GSTK1: variants seen among roughly 807,000 people sequenced by gnomAD.
The protein encoded by GSTK1 is glutathione S-transferase kappa 1.
Under a neutral mutation model 30.9 loss-of-function variants are expected in GSTK1, and 25 were observed. That is an observed-to-expected ratio of 0.81 (90% CI 0.59 to 1.13). The LOEUF is 1.13. GSTK1 is among the 50% of genes most tolerant of loss of function. The pLI is 0.00. For synonymous variants in GSTK1, 108 were observed against 112.5 expected (o/e 0.96, Z 0.25); for missense variants, 292 against 292.4 (o/e 1.00, Z 0.01).
At chr7:143,266,038 T>C (rs1800868669) in intron 5 of GSTK1, among the ~76,000 whole-genome samples, 1 of 140,772 alleles carries the variant, frequency 7.1e-6, no homozygotes, top group Non-Finnish European at 1.5e-5. Flanking sequence ...TTTTTTTTTT[T>C]TTTTTTTTTT....
chr7:143,263,710 A>T (rs570065736), intron 1 of GSTK1, 125 bp downstream of exon 1: 2 of 837,844 alleles, frequency 2.4e-6, no homozygotes, highest in East Asian at 2.5e-5. Flanking sequence ...TAAGGCAAGC[A>T]GGGAGAGCTC....
At chr7:143,265,138 T>C in intron 4 of GSTK1, 46 bp downstream of exon 4, 1 of 1,613,530 alleles carries the variant, frequency 6.2e-7, no homozygotes, top group Non-Finnish European at 8.5e-7. Context: ...CTTGGATGAC[T>C]TTCTGACCTT....
chr7:143,267,702 A>C lies in GSTK1; in HGVS notation c.506A>C (p.Lys169Thr). 1 of 1,613,950 alleles carries C rather than the reference A, an allele frequency of 6.2e-7. No individual in the cohort carries two copies. The highest frequency in any genetic ancestry group is 8.5e-7 in the Non-Finnish European group (1 of 1,179,874). The change falls in exon 6 of 8, where the codon AAG (lysine) becomes ACG (threonine). Residue 169 changes from lysine to threonine, a missense_variant. Transcript: ENST00000358406. ...IATPKVKNQL[K>T]ETTEAACRYG... ...ACGCCAAAGGTGAAGAACCAGCTCA[A>C]GGAGACCACTGAGGCAGCCTGCAGA...
intron 5 of GSTK1, among the ~76,000 whole-genome samples, 176 bp downstream of exon 5, chr7:143,265,472 TCAAAAGGATATCTCAAGG>T (rs1362010476): frequency 1.4e-4 from 21 of 152,270 alleles, no homozygotes; most frequent in Admixed American, 1.0e-3. Flanking sequence ...CTAAGGATCC[TCAAAAGGATATCTCAAGG>T]TTGAAAGGGG....
In GSTK1 at chr7:143,263,888, T is replaced by A. The variant is rs553268760; in HGVS notation, c.73-198T>A. On this transcript the variant is annotated intron_variant, in intron 1 of 7. Transcript: ENST00000358406. ...ACCTCTTAGCCCAACGATGGCAGTT[T>A]TGGGGAAAACTGGCCACAGGAGCGA... The A allele has an allele frequency of 1.9e-4, 116 of 611,642 alleles. No homozygotes were observed. The East Asian group carries it at 2.6e-3, about 14-fold the overall frequency. The allele number at this position is 611,642 out of a possible 1,614,324, so 37.9% of individuals were successfully genotyped here. A position where few individuals can be genotyped will look rare whatever the true frequency, so the allele number is the denominator to read the frequency against.
Position 143,263,476 on chromosome 7 carries a change from G to A in GSTK1, c.-38G>A, listed in dbSNP as rs754365211. ...CAGCCTCTGCCGGGTTCCGGGAAAA[G>A]GAGCTCCTGCTGCCACTGCTCTTCC... is the stretch of plus-strand genomic sequence containing the variant. On this transcript the variant is annotated 5_prime_UTR_variant, in exon 1 of 8. Transcript: ENST00000358406. 1.3e-6 allele frequency: 2 copies of A among 1,591,050 alleles called. No individual in the cohort carries two copies. The highest frequency in any genetic ancestry group is 8.6e-7 in the Non-Finnish European group (1 of 1,165,692).
chr7:143,264,532 A>T lies in GSTK1; in HGVS notation c.155-16A>T. 6.2e-7 allele frequency: 1 copy of T among 1,613,894 alleles called. No individual in the cohort carries two copies. On this transcript the variant is annotated splice_polypyrimidine_tract_variant and intron_variant, in intron 2 of 7. Transcript: ENST00000358406. Reference sequence around the variant, plus strand: ...AGGTCTTTTCTCACTTAGCGTGCCCAACCTTCTCCTGGCAGGAAACAAGCC... The same window carrying T: ...AGGTCTTTTCTCACTTAGCGTGCCCTACCTTCTCCTGGCAGGAAACAAGCC...
At chr7:143,264,852 C>A in intron 3 of GSTK1, 140 bp from the exon 4 acceptor site, 1 of 1,241,902 alleles carries the variant, frequency 8.1e-7, no homozygotes, top group Non-Finnish European at 1.1e-6. Context: ...GGAAGAAGAG[C>A]AGGCAAATAG....
chr7:143,269,078 T>C lies in GSTK1; in HGVS notation c.*241T>C. The C allele has an allele frequency of 1.8e-6, 1 of 553,026 alleles. No individual in the cohort carries two copies. The highest frequency in any genetic ancestry group is 3.2e-6 in the Non-Finnish European group (1 of 308,034). 34.3% of individuals were successfully genotyped at this position (553,026 alleles called of 1,614,324 possible). A position where few individuals can be genotyped will look rare whatever the true frequency, so the allele number is the denominator to read the frequency against. On this transcript the variant is annotated 3_prime_UTR_variant, in exon 8 of 8. Transcript: ENST00000358406. ...GCCTTTCAGAGAGCCCCAATTCTGC[T>C]TTCCCACAAAATAAACCTAATGCCA... is the stretch of plus-strand genomic sequence containing the variant.
intron 3 of GSTK1, 80 bp downstream of exon 3, chr7:143,264,756 G>T: frequency 6.4e-7 from 1 of 1,563,448 alleles, no homozygotes; most frequent in East Asian, 2.2e-5. Flanking sequence ...GGATGGAGGG[G>T]CTGCGGGAGA....
Position 143,268,710 on chromosome 7 carries a change from C to T in GSTK1, c.632-78C>T. On this transcript the variant is annotated intron_variant, in intron 7 of 7. Transcript: ENST00000358406. The surrounding 1 kb of genome is among the most constrained non-coding windows in gnomAD (Gnocchi z 4.1). ...AAGCAAAAGTCTTTCTAGAAAACCC[C>T]TGGGACCTTGTGGGACCAACTCCTG... 1 of 1,334,460 alleles carries T rather than the reference C, an allele frequency of 7.5e-7. No individual in the cohort carries two copies. Among genetic ancestry groups the T allele is most frequent in the Non-Finnish European group, 1.1e-6 (1 of 926,812 alleles). 82.7% of individuals were successfully genotyped at this position (1,334,460 alleles called of 1,614,324 possible). A position where few individuals can be genotyped will look rare whatever the true frequency, so the allele number is the denominator to read the frequency against.
chr7:143,264,366 C>A lies in GSTK1; in HGVS notation c.155-182C>A, dbSNP rs540210172. 1,280 of 784,762 alleles carry A rather than the reference C, an allele frequency of 1.6e-3. 5 individuals are homozygous for A. Among genetic ancestry groups the A allele is most frequent in the Middle Eastern group, 4.6e-3 (12 of 2,606 alleles). 48.6% of individuals were successfully genotyped at this position (784,762 alleles called of 1,614,324 possible). On this transcript the variant is annotated intron_variant, in intron 2 of 7. Transcript: ENST00000358406. ...GGCTGAGGCGGGAGAATCGCTTGAA[C>A]CCAGGAGGCGGAGGTTGCGGTGAGC...
At chr7:143,264,458 C>T (rs1240236742) in intron 2 of GSTK1, 90 bp from the exon 3 acceptor site, 1 of 1,315,990 alleles carries the variant, frequency 7.6e-7, no homozygotes, top group South Asian at 1.3e-5. Flanking sequence ...AAAAAGGAAG[C>T]TGCCCTCTGC....
Position 143,268,945 on chromosome 7 carries a change from T to A in GSTK1, c.*108T>A. 1.1e-6 allele frequency: 1 copy of A among 942,966 alleles called. No individual in the cohort carries two copies. Among genetic ancestry groups the A allele is most frequent in the Non-Finnish European group, 1.7e-6 (1 of 583,860 alleles). 58.4% of individuals were successfully genotyped at this position (942,966 alleles called of 1,614,324 possible). A position where few individuals can be genotyped will look rare whatever the true frequency, so the allele number is the denominator to read the frequency against. ...CTCGGATTTCTCTATCTGATAGAGGTATTTTCTGTGGCCCTGGGAGCTGTC... is the reference window on the plus strand; with the variant it reads ...CTCGGATTTCTCTATCTGATAGAGGAATTTTCTGTGGCCCTGGGAGCTGTC... On this transcript the variant is annotated 3_prime_UTR_variant, in exon 8 of 8. Transcript: ENST00000358406. This position sits in a 1 kb window ranked among gnomAD's most constrained non-coding sequence, Gnocchi z 4.1.
chr7:143,263,536 T>G lies in GSTK1; in HGVS notation c.23T>G (p.Val8Gly), dbSNP rs760271864. ...AGCATGGGGCCCCTGCCGCGCACCG[T>G]GGAGCTCTTCTATGACGTGCTGTCC... MGPLPRT[V>G]ELFYDVLSPY... The change falls in exon 1 of 8, where the codon GTG (valine) becomes GGG (glycine). Residue 8 changes from valine to glycine, a missense_variant. Coordinates refer to ENST00000358406, the MANE Select transcript of GSTK1 (RefSeq NM_015917.3). 1 of 1,610,698 alleles carries G rather than the reference T, an allele frequency of 6.2e-7. No individual in the cohort carries two copies. The highest frequency in any genetic ancestry group is 1.1e-5 in the South Asian group (1 of 91,090).
At chr7:143,263,797 C>A in intron 1 of GSTK1, 1 of 605,712 alleles carries the variant, frequency 1.7e-6, no homozygotes. Context: ...ATCCCGACTG[C>A]AGTTTCCCAC....
At position 143,268,717 on chromosome 7, in the gene GSTK1, C is replaced by T. The variant is rs934758537; in HGVS notation, c.632-71C>T. The stretch of plus-strand genomic sequence containing the variant: ...AGTCTTTCTAGAAAACCCCTGGGAC[C>T]TTGTGGGACCAACTCCTGCTGCCAG... On this transcript the variant is annotated intron_variant, in intron 7 of 7. Transcript: ENST00000358406. The surrounding 1 kb of genome is among the most constrained non-coding windows in gnomAD (Gnocchi z 4.1). 64 of 1,417,908 alleles carry T rather than the reference C, an allele frequency of 4.5e-5. No homozygotes were observed. Among genetic ancestry groups the T allele is most frequent in the Non-Finnish European group, 6.2e-5 (62 of 1,002,210 alleles). The allele number at this position is 1,417,908 out of a possible 1,614,324, so 87.8% of individuals were successfully genotyped here.
rs112850425 is a variant in GSTK1, at chr7:143,264,226, C to A, written c.154+59C>A. ...AGTGGCCCAAGAGAGCCGACCCCAGCGGGTCCTTATATTGGCACTGGCAGC... is the reference window on the plus strand; with the variant it reads ...AGTGGCCCAAGAGAGCCGACCCCAGAGGGTCCTTATATTGGCACTGGCAGC... On this transcript the variant is annotated intron_variant, in intron 2 of 7. Transcript: ENST00000358406. 120 of 1,439,270 alleles carry A rather than the reference C, an allele frequency of 8.3e-5. 1 individual carries two copies. The South Asian group carries it at 1.3e-3, about 16-fold the overall frequency. The allele number at this position is 1,439,270 out of a possible 1,614,324, so 89.2% of individuals were successfully genotyped here.
rs1189271889 is a variant in GSTK1 at position 143,268,308 on chromosome 7, T to G, written c.631+124T>G. On this transcript the variant is annotated intron_variant, in intron 7 of 7. Transcript: ENST00000358406. This position sits in a 1 kb window ranked among gnomAD's most constrained non-coding sequence, Gnocchi z 4.1. Reference sequence around the variant, plus strand: ...GAGATTAAGACCATCCTGGCCAACATGGTGAAACCCCGTCTCTACTAAAAA... The same window carrying G: ...GAGATTAAGACCATCCTGGCCAACAGGGTGAAACCCCGTCTCTACTAAAAA... The G allele has an allele frequency of 3.0e-6, 2 of 677,242 alleles. No homozygotes were observed. Among genetic ancestry groups the G allele is most frequent in the African/African-American group, 3.6e-5 (2 of 55,478 alleles). The allele number at this position is 677,242 out of a possible 1,614,324, so 42.0% of individuals were successfully genotyped here.
Sources: allele counts gnomAD v4.1 joint callset (sites outside exome capture counted in the v4.1 genomes callset), GRCh38; gene constraint gnomAD v4.1.1; non-coding constraint Gnocchi (gnomAD v3.1); transcripts MANE v1.5; gene names NCBI Gene and HGNC (gene_info 2026-07-23, HGNC 2026-07-21).